Variants in SNW1 observed in about 807,000 individuals in gnomAD.
SNW1 encodes SNW domain containing 1.
A neutral mutation model predicts 75.6 loss-of-function variants in SNW1; 9 were observed. That is an observed-to-expected ratio of 0.12 (90% confidence interval 0.07 to 0.21). SNW1 has a LOEUF of 0.21. Ranked by LOEUF, SNW1 falls within the 10% of genes least tolerant of loss-of-function variation. The pLI is 1.00. For missense variants in SNW1, 409 were observed against 670.9 expected, an observed-to-expected ratio of 0.61 and a Z score of 4.31; for synonymous variants, 200 against 219.1, an observed-to-expected ratio of 0.91 and a Z score of 0.77.
chr14:77,743,525 C>T (rs7140838), intron 3 of SNW1, among the ~76,000 whole-genome samples: 2 of 152,048 alleles, frequency 1.3e-5, no homozygotes, highest in Non-Finnish European at 2.9e-5. Flanking sequence ...CCAGACCTCT[C>T]GGAAGCAAAT....
At chr14:77,733,988 T>C in intron 8 of SNW1, 1 of 433,194 alleles carries the variant, frequency 2.3e-6, no homozygotes, top group Non-Finnish European at 4.6e-6. Context: ...CAAGATACCA[T>C]CCAGTTACAA....
At chr14:77,726,944 A>G (rs1394100862) in intron 10 of SNW1, among the ~76,000 whole-genome samples, 1 of 152,086 alleles carries the variant, frequency 6.6e-6, no homozygotes. Context: ...TTGGTTTTGT[A>G]TCTTGTAATG....
intron 5 of SNW1, 42 bp from the exon 6 acceptor site, chr14:77,737,117 GC>G: frequency 7.4e-7 from 1 of 1,360,386 alleles, no homozygotes; most frequent in South Asian, 1.2e-5. Flanking sequence ...ATTAGTTCAA[GC>G]TTTCAGTAGG....
At position 77,751,374 on chromosome 14, in the gene SNW1, G is replaced by C; in HGVS notation, c.275C>G (p.Ser92Cys). 6.2e-7 allele frequency: 1 copy of C among 1,613,582 alleles called. No individual in the cohort carries two copies. The highest frequency in any genetic ancestry group is 1.1e-5 in the South Asian group (1 of 90,954). The change falls in exon 3 of 14, where the codon TCT (serine) becomes TGT (cysteine). Residue 92 changes from serine to cysteine, a missense_variant. Coordinates refer to ENST00000261531, the MANE Select transcript of SNW1 (RefSeq NM_012245.3). Reference sequence around the variant, plus strand: ...TGCATCATATTTAATTTTTCCTTCAGAATCCACCTGAATGGCCAGCGCATT... The same window carrying C: ...TGCATCATATTTAATTTTTCCTTCACAATCCACCTGAATGGCCAGCGCATT... ...MSNALAIQVD[S>C]EGKIKYDAIA...
At chr14:77,723,041 G>C in intron 11 of SNW1, 140 bp downstream of exon 11, 2 of 677,120 alleles carry the variant, frequency 3.0e-6, no homozygotes, top group Non-Finnish European at 5.3e-6. Context: ...TAGACACAGG[G>C]TTTCATCGTG....
At chr14:77,756,167 C>T (rs1056587023) in intron 1 of SNW1, among the ~76,000 whole-genome samples, 7 of 152,146 alleles carry the variant, frequency 4.6e-5, no homozygotes, top group Non-Finnish European at 1.0e-4. Context: ...GTCGCCCAGC[C>T]TTGAGTGCAG....
At chr14:77,760,657 C>G (rs567591632) in intron 1 of SNW1, 2 of 702,360 alleles carry the variant, frequency 2.8e-6, no homozygotes, top group Admixed American at 4.0e-5. Context: ...TTTCAGGAAT[C>G]CTTGTTTCGG....
intron 3 of SNW1, among the ~76,000 whole-genome samples, chr14:77,741,181 A>C (rs1358019462): frequency 6.6e-6 from 1 of 151,840 alleles, no homozygotes; most frequent in Admixed American, 6.6e-5. Flanking sequence ...GTACAAATGA[A>C]TAAATAAATG....
intron 1 of SNW1, among the ~76,000 whole-genome samples, chr14:77,756,198 G>T (rs968780836): frequency 3.3e-5 from 5 of 151,836 alleles, no homozygotes; most frequent in Non-Finnish European, 7.4e-5. Flanking sequence ...TCGGCTCACT[G>T]AAACCTCTGT....
chr14:77,757,726 T>C (rs1378179357), intron 1 of SNW1, among the ~76,000 whole-genome samples: 2 of 152,206 alleles, frequency 1.3e-5, no homozygotes, highest in South Asian at 2.1e-4. Context: ...TCACGCCTTA[T>C]GCTTCTTTCA....
chr14:77,734,007 TCAAC>T, intron 8 of SNW1: 1 of 392,552 alleles, frequency 2.5e-6, no homozygotes, highest in South Asian at 1.8e-5. Flanking sequence ...AAAATACCAA[TCAAC>T]TCAAATCAGA....
At chr14:77,733,863 G>T in intron 8 of SNW1, 1 of 353,310 alleles carries the variant, frequency 2.8e-6, no homozygotes, top group Non-Finnish European at 5.7e-6. Flanking sequence ...AACTGTACTT[G>T]AATGTCTATG....
Position 77,731,075 on chromosome 14 carries a change from C to G in SNW1, c.946G>C (p.Glu316Gln). Reference sequence around the variant, plus strand: ...AGTTTCTCTTCATGTTTTTCCTTTTCTTTCTGAGCCATTTTTCTCTCTACT... The same window carrying G: ...AGTTTCTCTTCATGTTTTTCCTTTTGTTTCTGAGCCATTTTTCTCTCTACT... ...AQVERKMAQK[E>Q]KEKHEEKLRE... is the part of the protein sequence containing the mutation. The change falls in exon 10 of 14, where the codon GAA becomes CAA. Residue 316 changes from glutamate to glutamine, a missense_variant. By Grantham distance (29) the Glu-to-Gln change is conservative. This residue lies in a region of SNW1 where 37 missense variants were observed against 110.0 expected (regional missense o/e 0.34). Coordinates refer to ENST00000261531, the MANE Select transcript of SNW1 (RefSeq NM_012245.3). The G allele has an allele frequency of 6.2e-7, 1 of 1,614,030 alleles. No individual in the cohort carries two copies. Among genetic ancestry groups the G allele is most frequent in the Non-Finnish European group, 8.5e-7 (1 of 1,179,992 alleles).
intron 10 of SNW1, among the ~76,000 whole-genome samples, chr14:77,728,706 T>G (rs375437360): frequency 6.6e-6 from 1 of 152,164 alleles, no homozygotes; most frequent in African/African-American, 2.4e-5. Flanking sequence ...CCTGTTTCTA[T>G]AGCCAATTAA....
intron 3 of SNW1, among the ~76,000 whole-genome samples, chr14:77,742,840 C>T (rs1179806746): frequency 1.3e-5 from 2 of 151,054 alleles, no homozygotes; most frequent in Non-Finnish European, 2.9e-5. Context: ...GCTGGGATTA[C>T]AGGCATGAGC....
Position 77,732,616 on chromosome 14 carries a change from G to A in SNW1, c.775-15C>T, listed in dbSNP as rs112140732. The A allele has an allele frequency of 7.2e-7, 1 of 1,382,064 alleles. No homozygotes were observed. The highest frequency in any genetic ancestry group is 1.4e-5 in the African/African-American group (1 of 70,114). 85.6% of individuals were successfully genotyped at this position (1,382,064 alleles called of 1,614,324 possible). A position where few individuals can be genotyped will look rare whatever the true frequency, so the allele number is the denominator to read the frequency against. ...ATTGTATAACCCTAGAGTGAAAGCA[G>A]ACAGAAAACCCAGTCACAGAAGTGC... is the stretch of plus-strand genomic sequence containing the variant. On this transcript the variant is annotated splice_polypyrimidine_tract_variant and intron_variant, in intron 8 of 13. Coordinates refer to ENST00000261531, the MANE Select transcript of SNW1 (RefSeq NM_012245.3).
chr14:77,746,453 G>T (rs536182918), intron 3 of SNW1, among the ~76,000 whole-genome samples: 101 of 152,282 alleles, frequency 6.6e-4, no homozygotes, highest in African/African-American at 2.3e-3. Flanking sequence ...TAGATGGAAG[G>T]TCTGAGGGAA....
intron 3 of SNW1, among the ~76,000 whole-genome samples, chr14:77,745,730 A>G (rs2080755843): frequency 6.6e-6 from 1 of 151,712 alleles, no homozygotes; most frequent in African/African-American, 2.4e-5. Flanking sequence ...TTTTCTTCTT[A>G]ACAACCACCT....
intron 3 of SNW1, among the ~76,000 whole-genome samples, chr14:77,741,200 A>C (rs916469369): frequency 4.0e-5 from 6 of 151,696 alleles, no homozygotes; most frequent in African/African-American, 1.5e-4. Context: ...TGAATTTTAG[A>C]GATATTCTGT....
Sources: allele counts gnomAD v4.1 joint callset (sites outside exome capture counted in the v4.1 genomes callset), GRCh38; gene constraint gnomAD v4.1.1; regional missense constraint gnomAD v4.1.1; transcripts MANE v1.5; gene names NCBI Gene and HGNC (gene_info 2026-07-23, HGNC 2026-07-21).